The following DPP10 variants were observed in gnomAD, a reference collection of about 807,000 sequenced individuals.
The protein encoded by DPP10 is inactive dipeptidyl peptidase 10.
In DPP10, 33 loss-of-function variants were observed where a neutral mutation model predicts 120.9. The observed-to-expected ratio is 0.27, with a 90% CI of 0.21 to 0.37. The LOEUF (loss-of-function observed/expected upper bound fraction) is 0.37, where lower values mean the gene tolerates loss of function less well. Ranked by LOEUF, DPP10 falls within the 10% of genes least tolerant of loss-of-function variation. The probability of loss-of-function intolerance (pLI) is 1.00; values close to 1 mark genes in which losing one functional copy is unlikely to be tolerated. For missense variants in DPP10, 816 were observed against 942.8 expected (o/e 0.87, Z 1.76); for synonymous variants, 337 against 326.1 (o/e 1.03, Z -0.36).
intron 1 of DPP10, among the ~76,000 whole-genome samples, chr2:114,988,947 A>G (rs186638137): frequency 6.7e-6 from 1 of 148,390 alleles, no homozygotes; most frequent in Admixed American, 6.7e-5. Context: ...ATCTGCAATT[A>G]AAAAAAAAAG....
intron 1 of DPP10, among the ~76,000 whole-genome samples, chr2:115,070,071 G>T (rs897048908): frequency 2.6e-5 from 4 of 151,986 alleles, no homozygotes; most frequent in African/African-American, 9.7e-5. Flanking sequence ...AATTTATTAG[G>T]TTAAAATGTG....
intron 1 of DPP10, among the ~76,000 whole-genome samples, chr2:114,646,021 G>T (rs752237230): frequency 1.3e-5 from 2 of 151,932 alleles, no homozygotes; most frequent in Non-Finnish European, 2.9e-5. Flanking sequence ...CTAGCTGGGC[G>T]TGGTGGCATG....
chr2:115,368,650 G>A (rs2065218842), intron 3 of DPP10, among the ~76,000 whole-genome samples: 1 of 151,928 alleles, frequency 6.6e-6, no homozygotes. Flanking sequence ...AGATTAAAGT[G>A]TGGCAATTCC....
intron 1 of DPP10, among the ~76,000 whole-genome samples, chr2:114,680,199 C>T (rs1328908453): frequency 2.0e-5 from 3 of 151,914 alleles, no homozygotes; most frequent in Admixed American, 6.6e-5. Context: ...AGTGCTAATA[C>T]GCAGGTATTA....
At chr2:114,814,154 A>G (rs1685425098) in intron 1 of DPP10, among the ~76,000 whole-genome samples, 1 of 152,228 alleles carries the variant, frequency 6.6e-6, no homozygotes. Context: ...AAGCCATTAC[A>G]GTATTTAACA....
At chr2:114,817,663 T>C (rs1276730817) in intron 1 of DPP10, among the ~76,000 whole-genome samples, 1 of 152,124 alleles carries the variant, frequency 6.6e-6, no homozygotes, top group Non-Finnish European at 1.5e-5. Flanking sequence ...ATGCAATTCA[T>C]GGGAGTCGGG....
At chr2:115,724,240 T>C (rs1040558728) in intron 7 of DPP10, among the ~76,000 whole-genome samples, 1 of 152,308 alleles carries the variant, frequency 6.6e-6, no homozygotes, top group East Asian at 1.9e-4. Context: ...TCATCACAAG[T>C]TGTATGTCAG....
At chr2:114,584,626 A>G (rs910515021) in intron 1 of DPP10, among the ~76,000 whole-genome samples, 4 of 138,386 alleles carry the variant, frequency 2.9e-5, no homozygotes, top group Admixed American at 1.7e-4. Flanking sequence ...TTTCCCACCT[A>G]TGAGTGAGAA....
rs79957633 is a variant in DPP10, at chr2:114,990,371, T to C, written c.61-318868T>C. ...GTGTGAAAAAAGTCACTTAAATATA[T>C]GTGCCTATAATCTATCTATCTATCT... On this transcript the variant is annotated intron_variant, in intron 1 of 25. Coordinates refer to ENST00000410059, the MANE Select transcript of DPP10 (RefSeq NM_020868.6). Among the ~76,000 whole-genome samples the C allele has an allele frequency of 4.4e-4, 67 of 152,144 alleles. No individual in the cohort carries two copies. In the East Asian group the frequency reaches 0.013, roughly 29 times the overall value.
intron 1 of DPP10, among the ~76,000 whole-genome samples, chr2:114,660,674 C>T (rs1408984237): frequency 1.3e-5 from 2 of 152,140 alleles, no homozygotes; most frequent in African/African-American, 4.8e-5. Context: ...ACTTTAATGT[C>T]CCTTTTAGCT....
At chr2:115,383,338 T>G (rs1472019166) in intron 3 of DPP10, among the ~76,000 whole-genome samples, 1 of 152,210 alleles carries the variant, frequency 6.6e-6, no homozygotes, top group Non-Finnish European at 1.5e-5. Context: ...AGCTCTCTTC[T>G]CTTGTCTGCC....
intron 1 of DPP10, among the ~76,000 whole-genome samples, chr2:114,697,455 G>C (rs1213327006): frequency 6.6e-6 from 1 of 151,940 alleles, no homozygotes; most frequent in Admixed American, 6.6e-5. Context: ...ACTGCAAAAA[G>C]ACTAGCAGAA....
chr2:114,998,402 G>T (rs1701232669), intron 1 of DPP10, among the ~76,000 whole-genome samples: 1 of 152,152 alleles, frequency 6.6e-6, no homozygotes, highest in Admixed American at 6.5e-5. Flanking sequence ...AGATTTAAAA[G>T]AATTATTGCT....
At chr2:114,737,396 A>C (rs947831121) in intron 1 of DPP10, among the ~76,000 whole-genome samples, 9 of 152,200 alleles carry the variant, frequency 5.9e-5, no homozygotes, top group African/African-American at 2.2e-4. Flanking sequence ...TTTTTAAGAA[A>C]GATGCAGCGG....
At chr2:115,804,735 G>T (rs1685708719) in intron 19 of DPP10, among the ~76,000 whole-genome samples, 1 of 152,194 alleles carries the variant, frequency 6.6e-6, no homozygotes, top group Non-Finnish European at 1.5e-5. Flanking sequence ...AGTGGTGGCT[G>T]CAGAACAGTG....
intron 5 of DPP10, among the ~76,000 whole-genome samples, chr2:115,639,595 T>C (rs776570413): frequency 3.3e-5 from 5 of 151,438 alleles, no homozygotes; most frequent in African/African-American, 4.8e-5. Context: ...TGACAGGAGG[T>C]CACAGGTACA....
chr2:115,353,395 T>C (rs1379342255), intron 3 of DPP10, among the ~76,000 whole-genome samples: 1 of 152,156 alleles, frequency 6.6e-6, no homozygotes, highest in African/African-American at 2.4e-5. Context: ...AGTAACTCAG[T>C]ATTGGCATAT....
intron 10 of DPP10, among the ~76,000 whole-genome samples, chr2:115,752,791 T>C (rs77583922): frequency 0.025 from 3,810 of 152,284 alleles, 161 homozygotes; most frequent in African/African-American, 0.085. Flanking sequence ...CCTTTATAAA[T>C]GTATACTTGT....
rs564648715 is a variant in DPP10, at chr2:115,298,559, A to G, written c.61-10680A>G. On this transcript the variant is annotated intron_variant, in intron 1 of 25. Transcript: ENST00000410059. ...AAGATTGCTCAGTCCTTCCCTCCCCAGGAACTCACTAGGTCTGAGCTGGGG... is the reference window on the plus strand; with the variant it reads ...AAGATTGCTCAGTCCTTCCCTCCCCGGGAACTCACTAGGTCTGAGCTGGGG... 3.9e-5 allele frequency among the ~76,000 whole-genome samples: 6 copies of G among 152,110 alleles called. No homozygotes were observed. In the South Asian group the frequency reaches 1.2e-3, roughly 32 times the overall value.
Sources: gnomAD v4.1 joint callset for allele counts (sites outside exome capture counted in the v4.1 genomes callset) on GRCh38, gnomAD v4.1.1 for gene constraint, MANE v1.5 for transcripts, NCBI Gene and HGNC (gene_info 2026-07-23, HGNC 2026-07-21) for gene names.